Variants in SLC14A2 observed in about 807,000 individuals in gnomAD.
The protein encoded by SLC14A2 is urea transporter 2.
SLC14A2 carries 91 observed loss-of-function variants against 104.6 expected under a neutral mutation model. The observed-to-expected ratio is 0.87, with a 90% CI of 0.73 to 1.04. SLC14A2 has a LOEUF of 1.04. SLC14A2 is among the 50% of genes least tolerant of loss of function. The probability of loss-of-function intolerance (pLI) is 0.00; values close to 1 mark genes in which losing one functional copy is unlikely to be tolerated. For missense variants in SLC14A2, 1,189 were observed against 1,156.0 expected, an observed-to-expected ratio of 1.03 and a Z score of -0.41; for synonymous variants, 476 against 466.4, an observed-to-expected ratio of 1.02 and a Z score of -0.27.
At chr18:45,173,844 T>C in the SLC14A2 span, among the ~76,000 whole-genome samples, 5 of 152,122 alleles carry the variant, frequency 3.3e-5, no homozygotes, top group African/African-American at 1.2e-4. Context: ...CCTGAGATGC[T>C]GCAACACAGC....
chr18:45,415,056 A>C (rs1463362338), intron 1 of SLC14A2, among the ~76,000 whole-genome samples: 1 of 152,028 alleles, frequency 6.6e-6, no homozygotes, highest in African/African-American at 2.4e-5. Flanking sequence ...AATTTTAGAC[A>C]TGCTGGAAAA....
intron 1 of SLC14A2, among the ~76,000 whole-genome samples, chr18:45,331,130 C>A (rs927796166): frequency 6.6e-6 from 1 of 152,190 alleles, no homozygotes; most frequent in African/African-American, 2.4e-5. Context: ...CCACAACAGC[C>A]ATATTCCTAG....
chr18:45,592,192 T>C (rs988811392), intron 2 of SLC14A2, among the ~76,000 whole-genome samples: 1 of 152,168 alleles, frequency 6.6e-6, no homozygotes, highest in Non-Finnish European at 1.5e-5. Flanking sequence ...TTAGGGCAGA[T>C]ATTTAACCTT....
intron 2 of SLC14A2, among the ~76,000 whole-genome samples, chr18:45,564,076 A>C (rs1171125632): frequency 6.6e-6 from 1 of 152,254 alleles, no homozygotes; most frequent in East Asian, 1.9e-4. Context: ...ATTTCCTGTC[A>C]AATCAGCAAG....
At chr18:45,610,581 A>G (rs891823050), upstream of SLC14A2, among the ~76,000 whole-genome samples, 3 of 152,164 alleles carry the variant, frequency 2.0e-5, no homozygotes, top group Admixed American at 2.0e-4. Flanking sequence ...AGGGAAGGGG[A>G]AGGCATTCTA....
Position 45,250,534 on chromosome 18 carries a change from G to A in SLC14A2, c.-125+37343G>A, listed in dbSNP as rs368049648. ...TCACTTTGAGTTTTTCCTTTCCATC[G>A]TTGCTGTACTCACTTCCTGTTCTTT... On this transcript the variant is annotated intron_variant, in intron 1 of 20. Coordinates refer to the SLC14A2 transcript ENST00000586448. Among the ~76,000 whole-genome samples, 28 of 149,688 alleles carry A rather than the reference G, an allele frequency of 1.9e-4. No individual in the cohort carries two copies. In the South Asian group the frequency reaches 3.8e-3, roughly 20 times the overall value.
chr18:45,528,675 A>G (rs2043635267), intron 2 of SLC14A2: 1 of 152,160 alleles, frequency 6.6e-6, no homozygotes, highest in Non-Finnish European at 1.5e-5. Flanking sequence ...AGATACACAG[A>G]TGAACAAGCC....
At chr18:45,522,632 TA>T (rs1418697264) in intron 2 of SLC14A2, among the ~76,000 whole-genome samples, 5 of 152,232 alleles carry the variant, frequency 3.3e-5, no homozygotes, top group Non-Finnish European at 7.3e-5. Context: ...GTTTTGGTAA[TA>T]GCACTTTCTT....
At chr18:45,506,000 T>C (rs977252848) in intron 2 of SLC14A2, among the ~76,000 whole-genome samples, 1 of 152,136 alleles carries the variant, frequency 6.6e-6, no homozygotes, top group African/African-American at 2.4e-5. Context: ...TTGAAAAAGA[T>C]GTTCTGAGGG....
At chr18:45,580,537 C>A (rs1035111520) in intron 2 of SLC14A2, among the ~76,000 whole-genome samples, 2 of 152,202 alleles carry the variant, frequency 1.3e-5, no homozygotes, top group Non-Finnish European at 2.9e-5. Context: ...CTAGCCATCA[C>A]AGAAGAAGAC....
intron 1 of SLC14A2, among the ~76,000 whole-genome samples, chr18:45,406,874 A>G (rs1181409538): frequency 2.0e-5 from 3 of 152,122 alleles, no homozygotes; most frequent in Admixed American, 2.0e-4. Flanking sequence ...TAAAATATTC[A>G]TTCAACCATA....
chr18:45,572,499 C>T (rs2044361822), intron 2 of SLC14A2, among the ~76,000 whole-genome samples: 1 of 152,202 alleles, frequency 6.6e-6, no homozygotes, highest in Non-Finnish European at 1.5e-5. Context: ...TTGATCTACT[C>T]ATTGTCTTCA....
At chr18:45,603,911 A>T (rs2044826394) in intron 2 of SLC14A2, among the ~76,000 whole-genome samples, 1 of 152,234 alleles carries the variant, frequency 6.6e-6, no homozygotes, top group Non-Finnish European at 1.5e-5. Context: ...GCTTTTAACA[A>T]AACTATGTAT....
intron 1 of SLC14A2, among the ~76,000 whole-genome samples, chr18:45,347,853 A>C (rs2085465068): frequency 6.6e-6 from 1 of 152,168 alleles, no homozygotes; most frequent in African/African-American, 2.4e-5. Context: ...ATGCTTTTTT[A>C]GTGCTTACAC....
At chr18:45,183,326 G>T in the SLC14A2 span, among the ~76,000 whole-genome samples, 1 of 152,174 alleles carries the variant, frequency 6.6e-6, no homozygotes, top group South Asian at 2.1e-4. Context: ...CTCTGTATGT[G>T]CTTGGAGACC....
intron 1 of SLC14A2, among the ~76,000 whole-genome samples, chr18:45,264,344 T>C (rs1473844800): frequency 1.3e-5 from 2 of 152,216 alleles, no homozygotes; most frequent in Non-Finnish European, 2.9e-5. Context: ...TTCTACAATA[T>C]ATTGCTCCCT....
At chr18:45,275,560 G>A (rs1001922456) in intron 1 of SLC14A2, among the ~76,000 whole-genome samples, 3 of 152,128 alleles carry the variant, frequency 2.0e-5, no homozygotes, top group African/African-American at 4.8e-5. Flanking sequence ...TTTTTAAGTC[G>A]GGGATGAAGG....
chr18:45,564,852 C>T (rs1452823723), intron 2 of SLC14A2, among the ~76,000 whole-genome samples: 2 of 152,046 alleles, frequency 1.3e-5, no homozygotes, highest in African/African-American at 4.8e-5. Context: ...GAATTAACTG[C>T]ATTTGGAGAG....
At chr18:45,419,919 C>T (rs2086323418) in intron 1 of SLC14A2, among the ~76,000 whole-genome samples, 1 of 152,184 alleles carries the variant, frequency 6.6e-6, no homozygotes, top group Admixed American at 6.5e-5. Context: ...TTAGAAATAG[C>T]TGCTCTGTTT....
Sources: gnomAD v4.1 joint callset for allele counts (sites outside exome capture counted in the v4.1 genomes callset) on GRCh38, gnomAD v4.1.1 for gene constraint, MANE v1.5 for transcripts, NCBI Gene and HGNC (gene_info 2026-07-23, HGNC 2026-07-21) for gene names.